The following OARD1 variants were observed in gnomAD, a reference collection of about 807,000 sequenced individuals.
OARD1 encodes O-acyl-ADP-ribose deacylase 1.
In OARD1, 19 loss-of-function variants were observed where a neutral mutation model predicts 19.7. That is an observed-to-expected ratio of 0.96 (90% CI 0.67 to 1.41). The LOEUF (loss-of-function observed/expected upper bound fraction) is 1.41. Ranked by LOEUF, OARD1 falls within the 40% of genes most tolerant of loss-of-function variation. The probability of loss-of-function intolerance (pLI) is 0.00; values close to 1 mark genes in which losing one functional copy is unlikely to be tolerated. For missense variants in OARD1, 190 were observed against 183.8 expected (o/e 1.03, Z -0.20); for synonymous variants, 70 against 61.8 (o/e 1.13, Z -0.62).
chr6:41,070,483 C>T (rs1450258577), intron 3 of OARD1, among the ~76,000 whole-genome samples: 1 of 152,102 alleles, frequency 6.6e-6, no homozygotes, highest in African/African-American at 2.4e-5. Flanking sequence ...TGTATTTACT[C>T]AATAATTATC....
chr6:41,090,902 CAA>C (rs1398899183), intron 1 of OARD1, among the ~76,000 whole-genome samples: 1 of 151,994 alleles, frequency 6.6e-6, no homozygotes, highest in African/African-American at 2.4e-5. Context: ...ATAGTTAAAT[CAA>C]AAAAGGACAT....
intron 1 of OARD1, among the ~76,000 whole-genome samples, chr6:41,096,781 G>C (rs1186147497): frequency 6.6e-6 from 1 of 152,192 alleles, no homozygotes; most frequent in Non-Finnish European, 1.5e-5. Flanking sequence ...GAGTTTAGTG[G>C]AAAGAAGATG....
intron 1 of OARD1, among the ~76,000 whole-genome samples, chr6:41,082,376 C>T (rs1421559267): frequency 1.3e-5 from 2 of 152,206 alleles, no homozygotes; most frequent in Non-Finnish European, 2.9e-5. Context: ...TTGTCATTAA[C>T]CCCTTGTGGA....
intron 1 of OARD1, among the ~76,000 whole-genome samples, chr6:41,092,002 G>T (rs1306274738): frequency 6.6e-6 from 1 of 152,162 alleles, no homozygotes; most frequent in Non-Finnish European, 1.5e-5. Flanking sequence ...TTGAGAAGTG[G>T]AAAGTAGTAT....
At chr6:41,090,142 A>C (rs1764161593) in intron 1 of OARD1, 1 of 1,131,746 alleles carries the variant, frequency 8.8e-7, no homozygotes, top group Non-Finnish European at 1.3e-6. Context: ...TTTAAGGACT[A>C]CATCGTTCTT....
chr6:41,071,626 G>A lies in OARD1; in HGVS notation c.9C>T (p.Ser3=), dbSNP rs762258563. The A allele has an allele frequency of 6.2e-7, 1 of 1,613,132 alleles. No individual in the cohort carries two copies. The highest frequency in any genetic ancestry group is 8.5e-7 in the Non-Finnish European group (1 of 1,179,042). ...TTCCTTCTGGATCTTCATTAAGGCTGCTGGCCATGATACTGAGTCGCTATT... is the reference window on the plus strand; with the variant it reads ...TTCCTTCTGGATCTTCATTAAGGCTACTGGCCATGATACTGAGTCGCTATT... MA[S]SLNEDPEGSR... The change falls in exon 2 of 6, where the codon AGC becomes AGT. Residue 3 remains serine (S), a synonymous_variant. Transcript: ENST00000424266.
intron 1 of OARD1, among the ~76,000 whole-genome samples, chr6:41,085,103 G>C (rs1285934278): frequency 6.6e-6 from 1 of 152,092 alleles, no homozygotes; most frequent in Admixed American, 6.6e-5. Flanking sequence ...TGGATGTGGA[G>C]AAAAAGAATT....
chr6:41,093,429 G>C (rs1342341560), intron 1 of OARD1, among the ~76,000 whole-genome samples: 3 of 151,918 alleles, frequency 2.0e-5, no homozygotes, highest in Non-Finnish European at 2.9e-5. Flanking sequence ...TTCCTGCTTA[G>C]GCTCCAGCCT....
At chr6:41,097,392 G>T in intron 1 of OARD1, 4 of 1,614,018 alleles carry the variant, frequency 2.5e-6, no homozygotes, top group Non-Finnish European at 3.4e-6. Flanking sequence ...CAATGACACA[G>T]ATCATCCGAG....
intron 2 of OARD1, 38 bp from the exon 3 acceptor site, chr6:41,071,314 G>A (rs200027018): frequency 3.1e-6 from 5 of 1,589,882 alleles, no homozygotes; most frequent in African/African-American, 1.3e-5. Flanking sequence ...TGTTTTATTA[G>A]ATACAGTAAA....
chr6:41,094,228 C>T (rs1764284425), intron 1 of OARD1, among the ~76,000 whole-genome samples: 1 of 152,100 alleles, frequency 6.6e-6, no homozygotes, highest in South Asian at 2.1e-4. Context: ...AGCTATATTA[C>T]TTACTAGGTG....
At chr6:41,070,045 C>T in intron 4 of OARD1, 31 bp downstream of exon 4, 1 of 1,353,652 alleles carries the variant, frequency 7.4e-7, no homozygotes, top group South Asian at 1.2e-5. Context: ...AGAACTGGCC[C>T]TGAAAAAAAA....
chr6:41,096,914 A>G (rs1465376804), intron 1 of OARD1, among the ~76,000 whole-genome samples: 1 of 152,234 alleles, frequency 6.6e-6, no homozygotes, highest in Non-Finnish European at 1.5e-5. Context: ...AAACGAGTAC[A>G]TTAAAGTGTA....
chr6:41,092,852 A>C, intron 1 of OARD1: 1 of 1,522,284 alleles, frequency 6.6e-7, no homozygotes, highest in Non-Finnish European at 8.8e-7. Flanking sequence ...AGGAACCAAG[A>C]AACTGTTTCT....
chr6:41,071,847 C>T (rs1398486409), intron 1 of OARD1, 172 bp from the exon 2 acceptor site: 3 of 543,982 alleles, frequency 5.5e-6, no homozygotes, highest in African/African-American at 1.9e-5. Context: ...AGAGGAAGAA[C>T]GCTTAGGTTC....
chr6:41,073,869 G>C (rs923991048), upstream of OARD1, among the ~76,000 whole-genome samples: 1 of 151,724 alleles, frequency 6.6e-6, no homozygotes, highest in Admixed American at 6.6e-5. Flanking sequence ...TCTCTTCCCC[G>C]CCCCGTTCGC....
intron 1 of OARD1, among the ~76,000 whole-genome samples, chr6:41,093,573 T>C (rs922221451): frequency 2.4e-4 from 37 of 151,892 alleles, no homozygotes; most frequent in African/African-American, 8.2e-4. Flanking sequence ...CATGTTCAAG[T>C]GATTCTCCTG....
intron 1 of OARD1, among the ~76,000 whole-genome samples, chr6:41,078,338 CAGTT>C (rs879742257): frequency 2.6e-5 from 4 of 152,308 alleles, no homozygotes; most frequent in Admixed American, 6.5e-5. Context: ...ATGAGCAGCT[CAGTT>C]AGGTCACGTC....
At chr6:41,068,551 TGAG>T (rs1763146006) in intron 5 of OARD1, among the ~76,000 whole-genome samples, 1 of 152,246 alleles carries the variant, frequency 6.6e-6, no homozygotes, top group Non-Finnish European at 1.5e-5. Context: ...CAGAGGGTGC[TGAG>T]AATTCAACAA....
Sources: allele counts gnomAD v4.1 joint callset (sites outside exome capture counted in the v4.1 genomes callset), GRCh38; gene constraint gnomAD v4.1.1; transcripts MANE v1.5; gene names NCBI Gene and HGNC (gene_info 2026-07-23, HGNC 2026-07-21).